Variants in TGFA observed in about 807,000 individuals in gnomAD.
The protein encoded by TGFA is transforming growth factor alpha.
A neutral mutation model predicts 21.7 loss-of-function variants in TGFA; 12 were observed. The ratio of observed to expected loss-of-function variants is 0.55; its 90% CI spans 0.35 to 0.90. The LOEUF (loss-of-function observed/expected upper bound fraction) is 0.90. Ranked by LOEUF, TGFA falls within the 40% of genes least tolerant of loss-of-function variation. TGFA has a pLI of 0.01. For missense variants in TGFA, 178 were observed against 210.8 expected, an observed-to-expected ratio of 0.84 and a Z score of 0.96; for synonymous variants, 79 against 88.1, an observed-to-expected ratio of 0.90 and a Z score of 0.58.
intron 1 of TGFA, among the ~76,000 whole-genome samples, chr2:70,545,239 CAA>C (rs1673260533): frequency 6.6e-6 from 1 of 151,040 alleles, no homozygotes; most frequent in South Asian, 2.1e-4. Context: ...ATGAAGAAGA[CAA>C]AGAAGACGAA....
chr2:70,522,238 C>T (rs1394416436), intron 1 of TGFA, among the ~76,000 whole-genome samples: 2 of 152,098 alleles, frequency 1.3e-5, no homozygotes, highest in Admixed American at 1.3e-4. Flanking sequence ...GAGTTAAAGT[C>T]TCATCAAAGA....
chr2:70,516,773 T>TTGGCTAAAG (rs1435677366), intron 1 of TGFA, among the ~76,000 whole-genome samples: 1 of 152,194 alleles, frequency 6.6e-6, no homozygotes, highest in Admixed American at 6.5e-5. Flanking sequence ...CAAACCATCC[T>TTGGCTAAAG]TGGCTAAAGT....
chr2:70,454,761 C>T (rs530781609), intron 4 of TGFA, among the ~76,000 whole-genome samples: 3 of 152,154 alleles, frequency 2.0e-5, no homozygotes, highest in Non-Finnish European at 2.9e-5. Context: ...GGCAGGGAGA[C>T]CAAGGCTGGG....
At chr2:70,456,234 A>G in intron 4 of TGFA, 105 bp downstream of exon 4, 1 of 1,393,864 alleles carries the variant, frequency 7.2e-7, no homozygotes, top group Non-Finnish European at 9.6e-7. Context: ...CAGACATCCC[A>G]GAAATAAGCT....
intron 1 of TGFA, among the ~76,000 whole-genome samples, chr2:70,522,673 G>A (rs1672507618): frequency 6.6e-6 from 1 of 152,138 alleles, no homozygotes; most frequent in Admixed American, 6.5e-5. Flanking sequence ...GACCTTAAGT[G>A]ATCCACCTGC....
chr2:70,512,750 A>AT (rs1672140619), intron 2 of TGFA, among the ~76,000 whole-genome samples: 1 of 152,238 alleles, frequency 6.6e-6, no homozygotes, highest in Non-Finnish European at 1.5e-5. Flanking sequence ...CCAGGGCGAC[A>AT]TCCCTTAGGG....
At chr2:70,534,343 G>T (rs1228621009) in intron 1 of TGFA, among the ~76,000 whole-genome samples, 1 of 152,166 alleles carries the variant, frequency 6.6e-6, no homozygotes, top group Non-Finnish European at 1.5e-5. Flanking sequence ...AAGTAAAAGT[G>T]TTAAAGACTC....
chr2:70,521,326 A>T (rs947546948), intron 1 of TGFA, among the ~76,000 whole-genome samples: 1 of 152,052 alleles, frequency 6.6e-6, no homozygotes, highest in Admixed American at 6.6e-5. Flanking sequence ...CCAGCTGCCC[A>T]GCACTGCCCC....
At chr2:70,489,678 C>T (rs1164566264) in intron 2 of TGFA, among the ~76,000 whole-genome samples, 2 of 152,242 alleles carry the variant, frequency 1.3e-5, no homozygotes, top group African/African-American at 4.8e-5. Flanking sequence ...AAGTGAGAAC[C>T]TGTGTGGCAT....
chr2:70,481,867 A>G (rs1671132558), intron 2 of TGFA, among the ~76,000 whole-genome samples: 1 of 152,210 alleles, frequency 6.6e-6, no homozygotes, highest in Non-Finnish European at 1.5e-5. Flanking sequence ...TCAAGCCTTC[A>G]GATGACAGTG....
At chr2:70,505,191 A>G (rs1013852912) in intron 2 of TGFA, among the ~76,000 whole-genome samples, 16 of 152,216 alleles carry the variant, frequency 1.1e-4, no homozygotes, top group African/African-American at 3.6e-4. Flanking sequence ...CTCATTTAAT[A>G]TAATTTACGT....
At chr2:70,461,755 C>A (rs1553491490) in intron 3 of TGFA, 1 of 152,206 alleles carries the variant, frequency 6.6e-6, no homozygotes, top group Non-Finnish European at 1.5e-5. Context: ...TATAGCTTTA[C>A]TGTCTTTGCA....
At chr2:70,528,925 C>A (rs446086) in intron 1 of TGFA, among the ~76,000 whole-genome samples, 37,018 of 152,018 alleles carry the variant, frequency 0.24, 4,762 homozygotes, top group East Asian at 0.34. Flanking sequence ...TTCCTTCTTA[C>A]ACTTCAGGAG....
rs979765205 is a variant in TGFA at position 70,450,310 on chromosome 2, G to A, written c.*549C>T. On this transcript the variant is annotated 3_prime_UTR_variant, in exon 6 of 6. Transcript: ENST00000295400. Reference sequence around the variant, plus strand: ...TGGTCTTCAATGTCATGTGTCCATGGAAGATGTTGGGCTGGTTGAGGGTCT... The same window carrying A: ...TGGTCTTCAATGTCATGTGTCCATGAAAGATGTTGGGCTGGTTGAGGGTCT... 3.9e-5 allele frequency: 6 copies of A among 152,674 alleles called. No individual in the cohort carries two copies. The highest frequency in any genetic ancestry group is 1.4e-4 in the African/African-American group (6 of 41,460). The allele number at this position is 152,674 out of a possible 1,614,324, so 9.5% of individuals were successfully genotyped here. A position where few individuals can be genotyped will look rare whatever the true frequency, so the allele number is the denominator to read the frequency against.
intron 2 of TGFA, among the ~76,000 whole-genome samples, chr2:70,512,618 C>T (rs1388984788): frequency 1.3e-5 from 2 of 152,236 alleles, no homozygotes; most frequent in Admixed American, 6.5e-5. Context: ...TTGTTCACGA[C>T]TGCAAAAAGA....
chr2:70,462,657 C>G (rs6546609), intron 3 of TGFA, among the ~76,000 whole-genome samples: 147,229 of 152,314 alleles, frequency 0.97, 71,197 homozygotes, highest in East Asian at 1. Context: ...TGTGAAATCT[C>G]CCTTCTAAAA....
At chr2:70,479,147 A>G (rs1671029465) in intron 2 of TGFA, among the ~76,000 whole-genome samples, 1 of 152,252 alleles carries the variant, frequency 6.6e-6, no homozygotes, top group Admixed American at 6.5e-5. Context: ...TGGTTTTGAA[A>G]AAATTATATC....
chr2:70,453,323 A>T lies in TGFA; in HGVS notation c.370T>A (p.Cys124Ser). 1 of 1,613,194 alleles carries T rather than the reference A, an allele frequency of 6.2e-7. No homozygotes were observed. Among genetic ancestry groups the T allele is most frequent in the Non-Finnish European group, 8.5e-7 (1 of 1,179,498 alleles). Residue 124 changes from cysteine to serine, a missense_variant, in exon 5 of 6, where the codon TGC becomes AGC. By Grantham distance (112) the Cys-to-Ser change is moderately radical. Transcript: ENST00000295400. Reference protein sequence around the residue: ...LIITCVLIHCCQVRKHCEWCR... With the variant: ...LIITCVLIHCSQVRKHCEWCR... ...CACTCACAGTGTTTTCGGACCTGGC[A>T]GCAGCTGCAAAGACACAGAGGACCC...
rs563438172 is a variant in TGFA at position 70,452,770 on chromosome 2, C to T, written c.475+448G>A. 5.3e-5 allele frequency among the ~76,000 whole-genome samples: 8 copies of T among 152,134 alleles called. No homozygotes were observed. The East Asian group carries it at 1.5e-3, about 29-fold the overall frequency. On this transcript the variant is annotated intron_variant, in intron 5 of 5. Coordinates refer to ENST00000295400, the MANE Select transcript of TGFA (RefSeq NM_003236.4). ...CAGCCTGGCCAATACTGCGAAACCC[C>T]GTCTCTACTAAAAATACAAAAATTT...
Sources: allele counts gnomAD v4.1 joint callset (sites outside exome capture counted in the v4.1 genomes callset), GRCh38; gene constraint gnomAD v4.1.1; transcripts MANE v1.5; gene names NCBI Gene and HGNC (gene_info 2026-07-23, HGNC 2026-07-21).